OR51B5: variants seen among roughly 807,000 people sequenced by gnomAD.
OR51B5 encodes the protein olfactory receptor 51B5.
For synonymous variants in OR51B5, 186 were observed against 144.8 expected, an observed-to-expected ratio of 1.28 and a Z score of -2.04; for missense variants, 456 against 374.6, an observed-to-expected ratio of 1.22 and a Z score of -1.79.
intron 1 of OR51B5, chr11:5,454,083 G>A (rs1372809281): frequency 1.9e-6 from 3 of 1,614,090 alleles, no homozygotes; most frequent in Admixed American, 1.7e-5. Flanking sequence ...CAGCATCTAT[G>A]GACTCTTTGT....
chr11:5,352,065 C>G, intron 1 of OR51B5: 1 of 1,614,054 alleles, frequency 6.2e-7, no homozygotes, highest in East Asian at 2.2e-5. Context: ...TCAAGCTAGC[C>G]TGTGCTGACA....
intron 1 of OR51B5, chr11:5,454,127 T>TA (rs769293650): frequency 1.2e-6 from 2 of 1,614,100 alleles, no homozygotes; most frequent in African/African-American, 2.7e-5. Flanking sequence ...ACCTGTTTTT[T>TA]ATCTTCCTCT....
intron 1 of OR51B5, among the ~76,000 whole-genome samples, chr11:5,399,211 CTATT>C (rs1049905712): frequency 5.0e-4 from 76 of 152,298 alleles, no homozygotes; most frequent in African/African-American, 1.8e-3. Context: ...ATATGCTCAT[CTATT>C]AAGTGGGAAA....
At chr11:5,397,969 C>G (rs574599488) in intron 1 of OR51B5, among the ~76,000 whole-genome samples, 1 of 152,264 alleles carries the variant, frequency 6.6e-6, no homozygotes, top group African/African-American at 2.4e-5. Flanking sequence ...CCAAACACCA[C>G]ATGTTCTCAC....
Position 5,454,414 on chromosome 11 carries a change from A to G in OR51B5, n.84+51155T>C, listed in dbSNP as rs771009920. On this transcript the variant is annotated intron_variant and non_coding_transcript_variant, in intron 1 of 4. Coordinates refer to the OR51B5 transcript ENST00000415970. ...CGAGCCATTTTCCGCATGTTTCACCACATCAAAATATGACTTTCACACTTG... is the reference window on the plus strand; with the variant it reads ...CGAGCCATTTTCCGCATGTTTCACCGCATCAAAATATGACTTTCACACTTG... The G allele has an allele frequency of 2.5e-6, 4 of 1,605,312 alleles. No individual in the cohort carries two copies. The Admixed American group carries it at 5.0e-5, about 20-fold the overall frequency.
intron 1 of OR51B5, among the ~76,000 whole-genome samples, chr11:5,349,484 T>G (rs1849041890): frequency 1.3e-5 from 2 of 152,158 alleles, no homozygotes; most frequent in African/African-American, 4.8e-5. Flanking sequence ...TGTATTATCT[T>G]TTCCCTCCCA....
chr11:5,478,456 C>G (rs1461640290), intron 1 of OR51B5, among the ~76,000 whole-genome samples: 77 of 151,556 alleles, frequency 5.1e-4, no homozygotes, highest in South Asian at 2.9e-3. Context: ...CAGAGCACCT[C>G]TCCTCCTCCA....
upstream of OR51B5, among the ~76,000 whole-genome samples, chr11:5,347,213 TCA>T (rs1450116995): frequency 6.6e-6 from 1 of 152,190 alleles, no homozygotes; most frequent in African/African-American, 2.4e-5. Context: ...TACATTTACT[TCA>T]ACAGTCAAAT....
At chr11:5,489,360 C>A in intron 1 of OR51B5, 1 of 1,613,970 alleles carries the variant, frequency 6.2e-7, no homozygotes, top group Non-Finnish European at 8.5e-7. Context: ...TTCTCATTGC[C>A]ATTTCCTATG....
chr11:5,385,306 T>C (rs1564795480), intron 1 of OR51B5: 1 of 152,202 alleles, frequency 6.6e-6, no homozygotes, highest in Non-Finnish European at 1.5e-5. Flanking sequence ...AGAGGAAGTA[T>C]ACTTTCCAAG....
intron 1 of OR51B5, among the ~76,000 whole-genome samples, chr11:5,396,758 C>G (rs978072727): frequency 3.0e-4 from 46 of 151,958 alleles, no homozygotes; most frequent in Middle Eastern, 3.4e-3. Flanking sequence ...CAATCCTAAG[C>G]CAAAAGAACA....
intron 1 of OR51B5, among the ~76,000 whole-genome samples, chr11:5,443,641 A>T (rs115151993): frequency 0.034 from 5,237 of 152,206 alleles, 275 homozygotes; most frequent in African/African-American, 0.11. Context: ...AAATTGAGGT[A>T]GTCTAGAAAG....
intron 1 of OR51B5, among the ~76,000 whole-genome samples, chr11:5,365,061 T>C (rs1669729247): frequency 6.6e-6 from 1 of 152,224 alleles, no homozygotes; most frequent in African/African-American, 2.4e-5. Context: ...TAAGGGACAC[T>C]CAATAAAACC....
At chr11:5,372,347 C>CT (rs34232947) in intron 1 of OR51B5, among the ~76,000 whole-genome samples, 40,902 of 151,956 alleles carry the variant, frequency 0.27, 5,744 homozygotes, top group African/African-American at 0.32. Flanking sequence ...AACTTCCATA[C>CT]GTTTTCTATA....
At position 5,400,858 on chromosome 11, in the gene OR51B5, C is replaced by T. The variant is rs77018563; in HGVS notation, n.85-53948G>A. Among the ~76,000 whole-genome samples the T allele has an allele frequency of 5.2e-3, 799 of 152,276 alleles. 7 individuals are homozygous for T. The highest frequency in any genetic ancestry group is 0.018 in the African/African-American group (748 of 41,548). On this transcript the variant is annotated intron_variant and non_coding_transcript_variant, in intron 1 of 4. Coordinates refer to the OR51B5 transcript ENST00000415970. ...AAGAAGAACTTCATAATAACCATTA[C>T]GGAATAGTGAGGTCCCTGTTGATGC...
intron 1 of OR51B5, among the ~76,000 whole-genome samples, chr11:5,438,156 T>C (rs1273001080): frequency 2.0e-5 from 3 of 152,280 alleles, no homozygotes; most frequent in Admixed American, 1.3e-4. Flanking sequence ...ATGCCTCATA[T>C]TGGGCATAAA....
chr11:5,439,585 G>T (rs1850644412), intron 1 of OR51B5, among the ~76,000 whole-genome samples: 2 of 152,042 alleles, frequency 1.3e-5, no homozygotes, highest in African/African-American at 4.8e-5. Flanking sequence ...CAAACTTCTT[G>T]GTCTCACTCC....
chr11:5,346,280 T>C (rs927386831), upstream of OR51B5: 4 of 152,158 alleles, frequency 2.6e-5, no homozygotes, highest in Admixed American at 1.3e-4. Flanking sequence ...GCAGCTATAA[T>C]AGTGATCTAT....
chr11:5,354,865 A>G, intron 1 of OR51B5: 1 of 185,162 alleles, frequency 5.4e-6, no homozygotes, highest in Non-Finnish European at 1.1e-5. Context: ...ACCTGAGAGA[A>G]CTCTGAGGAT....
Sources: gnomAD v4.1 joint callset for allele counts (sites outside exome capture counted in the v4.1 genomes callset) on GRCh38, gnomAD v4.1.1 for gene constraint, MANE v1.5 for transcripts, NCBI Gene and HGNC (gene_info 2026-07-23, HGNC 2026-07-21) for gene names.